CRB1: variants seen among roughly 807,000 people sequenced by gnomAD.
The protein encoded by CRB1 is crumbs cell polarity complex component 1.
CRB1 carries 83 observed loss-of-function variants against 120.0 expected under a neutral mutation model. That is an observed-to-expected ratio of 0.69 (90% CI 0.58 to 0.83). The LOEUF is 0.83. Among genes scored for constraint, CRB1 ranks in the 40% least tolerant of loss-of-function variants. The pLI, the probability that CRB1 is intolerant of heterozygous loss-of-function variation, is 0.00. For missense variants in CRB1, 1,699 were observed against 1,687.6 expected (o/e 1.01, Z -0.12); for synonymous variants, 625 against 612.5 (o/e 1.02, Z -0.30).
At chr1:197,278,898 G>T (rs1655370317) in intron 1 of CRB1, among the ~76,000 whole-genome samples, 2 of 151,834 alleles carry the variant, frequency 1.3e-5, no homozygotes, top group South Asian at 4.1e-4. Context: ...ATGTGTAAAG[G>T]CTGTCCAGAC....
intron 5 of CRB1, among the ~76,000 whole-genome samples, chr1:197,359,537 T>C (rs1355914161): frequency 6.6e-6 from 1 of 152,218 alleles, no homozygotes; most frequent in African/African-American, 2.4e-5. Context: ...TAACAGCCGC[T>C]GAATAAAGCT....
chr1:197,343,597 T>G (rs1298135286), intron 2 of CRB1, among the ~76,000 whole-genome samples: 2 of 152,094 alleles, frequency 1.3e-5, no homozygotes, highest in Non-Finnish European at 2.9e-5. Flanking sequence ...AAAGAAAAAT[T>G]AAGATAAAAA....
At chr1:197,226,150 C>T in the CRB1 span, among the ~76,000 whole-genome samples, 1 of 152,162 alleles carries the variant, frequency 6.6e-6, no homozygotes, top group Non-Finnish European at 1.5e-5. Context: ...CTCAAGCCAT[C>T]CACCTGCCTC....
intron 6 of CRB1, among the ~76,000 whole-genome samples, chr1:197,424,390 T>G (rs1664477158): frequency 6.6e-6 from 1 of 152,176 alleles, no homozygotes; most frequent in Non-Finnish European, 1.5e-5. Context: ...ACTTAATATC[T>G]GAAGAAAAGT....
intron 1 of CRB1, among the ~76,000 whole-genome samples, chr1:197,323,936 C>A (rs1658349283): frequency 6.6e-6 from 1 of 152,140 alleles, no homozygotes; most frequent in East Asian, 1.9e-4. Flanking sequence ...TGTGATGATG[C>A]TGATGATCAG....
intron 1 of CRB1, among the ~76,000 whole-genome samples, chr1:197,273,613 A>G (rs1411170622): frequency 6.6e-6 from 1 of 152,074 alleles, no homozygotes; most frequent in Non-Finnish European, 1.5e-5. Flanking sequence ...TCAATTGTTT[A>G]TTCATATCAG....
chr1:197,426,597 T>C (rs1664592722), intron 6 of CRB1, among the ~76,000 whole-genome samples: 1 of 152,126 alleles, frequency 6.6e-6, no homozygotes, highest in African/African-American at 2.4e-5. Context: ...CTTGAGGTGA[T>C]GCACATCAAT....
the CRB1 span, among the ~76,000 whole-genome samples, chr1:197,213,165 A>G: frequency 2.6e-5 from 4 of 152,214 alleles, no homozygotes; most frequent in African/African-American, 9.6e-5. Context: ...AAATTTCTAA[A>G]ATTTGCATGG....
rs1004019283 is a variant in CRB1 at position 197,341,864 on chromosome 1, C to T, written c.653-2417C>T. On this transcript the variant is annotated intron_variant, in intron 2 of 11. Coordinates refer to ENST00000367400, the MANE Select transcript of CRB1 (RefSeq NM_201253.3). ...GGAAGGTTGGCTTTCTTGCTGAAAC[C>T]ACTGTTCCCATGAGTCCACTAGTGG... is the stretch of plus-strand genomic sequence containing the variant. 2.0e-5 allele frequency among the ~76,000 whole-genome samples: 3 copies of T among 152,260 alleles called. No homozygotes were observed. In the South Asian group the frequency reaches 6.2e-4, roughly 32 times the overall value.
the CRB1 span, among the ~76,000 whole-genome samples, chr1:197,240,315 C>T: frequency 3.9e-5 from 6 of 152,088 alleles, no homozygotes; most frequent in Non-Finnish European, 5.9e-5. Context: ...GTTCGCTGCA[C>T]CCATCAACCC....
intron 11 of CRB1, among the ~76,000 whole-genome samples, chr1:197,453,953 ATATTATTATATTATTAATAATATATAT>A: frequency 7.9e-6 from 1 of 126,828 alleles, no homozygotes; most frequent in African/African-American, 3.4e-5. Context: ...TATATTATTG[ATATTATTATATTATTAATAATATATAT>A]TATTGATATT....
intron 5 of CRB1, among the ~76,000 whole-genome samples, chr1:197,371,189 C>G (rs921520849): frequency 6.6e-6 from 1 of 152,130 alleles, no homozygotes; most frequent in Non-Finnish European, 1.5e-5. Flanking sequence ...CTTGCATATA[C>G]CTTCGGCTCA....
chr1:197,340,031 G>C (rs1243320854), intron 2 of CRB1, among the ~76,000 whole-genome samples: 1 of 152,122 alleles, frequency 6.6e-6, no homozygotes, highest in Admixed American at 6.5e-5. Context: ...ACAGATATTG[G>C]TGTTAAAGGT....
intron 11 of CRB1, among the ~76,000 whole-genome samples, chr1:197,470,577 C>CA (rs1267476603): frequency 2.0e-5 from 3 of 152,324 alleles, no homozygotes; most frequent in Non-Finnish European, 2.9e-5. Context: ...TTCACAAGGC[C>CA]ATGTGCTCCA....
Position 197,453,937 on chromosome 1 carries a change from A to C in CRB1, c.4005+11645A>C, listed in dbSNP as rs12408901. On this transcript the variant is annotated intron_variant, in intron 11 of 11. Transcript: ENST00000367400. ...TATTATTGATATTATTATATTATTA[A>C]TAATATATATTATTGATATTATTAT... Among the ~76,000 whole-genome samples the C allele has an allele frequency of 1.1e-4, 3 of 28,076 alleles. No homozygotes were observed. In the Admixed American group the frequency reaches 1.2e-3, roughly 11 times the overall value. The allele number at this position is 28,076 out of a possible 152,430, so 18.4% of individuals were successfully genotyped here.
rs1665066574 is a variant in CRB1 at position 197,435,010 on chromosome 1, C to T, written c.3147C>T (p.Ser1049=). The change falls in exon 9 of 12, where the codon TCC becomes TCT. Residue 1049 remains serine (S), a synonymous_variant. Coordinates refer to ENST00000367400, the MANE Select transcript of CRB1 (RefSeq NM_201253.3). Reference sequence around the variant, plus strand: ...TGACAGACCCACTGTCCCAGACCTCCAGGTGGCAAATGGAAGTGGACAACG... The same window carrying T: ...TGACAGACCCACTGTCCCAGACCTCTAGGTGGCAAATGGAAGTGGACAACG... The part of the protein sequence containing the change: ...LSMTDPLSQT[S]RWQMEVDNET... 2 of 1,613,810 alleles carry T rather than the reference C, an allele frequency of 1.2e-6. No individual in the cohort carries two copies. The highest frequency in any genetic ancestry group is 1.1e-5 in the South Asian group (1 of 91,088).
chr1:197,474,308 A>G (rs1667109880), intron 11 of CRB1, among the ~76,000 whole-genome samples: 2 of 152,360 alleles, frequency 1.3e-5, no homozygotes, highest in South Asian at 4.1e-4. Context: ...TGCACAAGTA[A>G]TTGGCAGAGC....
chr1:197,453,629 T>A (rs1482578888), intron 11 of CRB1, among the ~76,000 whole-genome samples: 1 of 135,500 alleles, frequency 7.4e-6, no homozygotes, highest in East Asian at 2.2e-4. Flanking sequence ...CAGGCTAGAG[T>A]CCAGGGGTGT....
At chr1:197,460,993 G>A (rs1321342584) in intron 11 of CRB1, among the ~76,000 whole-genome samples, 1 of 152,084 alleles carries the variant, frequency 6.6e-6, no homozygotes, top group Admixed American at 6.6e-5. Context: ...ATAGGATCCA[G>A]AATCTATTTG....
Sources: allele counts gnomAD v4.1 joint callset (sites outside exome capture counted in the v4.1 genomes callset), GRCh38; gene constraint gnomAD v4.1.1; transcripts MANE v1.5; gene names NCBI Gene and HGNC (gene_info 2026-07-23, HGNC 2026-07-21).